Variants in TBC1D5 observed in about 807,000 individuals in gnomAD.
TBC1D5 encodes the protein TBC1 domain family, member 5.
A neutral mutation model predicts 100.3 loss-of-function variants in TBC1D5; 75 were observed. The ratio of observed to expected loss-of-function variants is 0.75; its 90% CI spans 0.62 to 0.91. The LOEUF is 0.91. Among genes scored for constraint, TBC1D5 ranks in the 40% least tolerant of loss-of-function variants. The pLI is 0.00. For synonymous variants in TBC1D5, 323 were observed against 325.6 expected (o/e 0.99, Z 0.09); for missense variants, 910 against 942.4 (o/e 0.97, Z 0.45).
intron 1 of TBC1D5, among the ~76,000 whole-genome samples, chr3:17,736,275 A>G (rs1447776316): frequency 2.0e-5 from 3 of 152,150 alleles, no homozygotes; most frequent in Non-Finnish European, 4.4e-5. Context: ...ATAAAATTTA[A>G]TAAAATTAAA....
At chr3:17,228,381 C>T (rs535711087) in intron 17 of TBC1D5, among the ~76,000 whole-genome samples, 5 of 152,242 alleles carry the variant, frequency 3.3e-5, no homozygotes, top group South Asian at 2.1e-4. Context: ...ATATGCTCTC[C>T]GTAGACATAA....
At chr3:17,682,093 G>A (rs1391358317) in intron 1 of TBC1D5, among the ~76,000 whole-genome samples, 2 of 150,962 alleles carry the variant, frequency 1.3e-5, no homozygotes, top group African/African-American at 4.9e-5. Context: ...CCAATCCCTG[G>A]TGCCAAAAAG....
intron 2 of TBC1D5, among the ~76,000 whole-genome samples, chr3:17,579,252 A>T (rs2096677017): frequency 6.6e-6 from 1 of 152,108 alleles, no homozygotes; most frequent in African/African-American, 2.4e-5. Context: ...GTGTAACCTG[A>T]AGTAAAAATT....
At chr3:17,528,899 C>T (rs185114966) in intron 2 of TBC1D5, among the ~76,000 whole-genome samples, 1 of 152,186 alleles carries the variant, frequency 6.6e-6, no homozygotes, top group African/African-American at 2.4e-5. Flanking sequence ...GTCTATATGT[C>T]TTTTAGTCTC....
chr3:17,671,268 T>C (rs981030800), intron 1 of TBC1D5, among the ~76,000 whole-genome samples: 6 of 152,216 alleles, frequency 3.9e-5, no homozygotes, highest in African/African-American at 7.2e-5. Flanking sequence ...GCAGTCAAGT[T>C]TGAGGGTGCT....
intron 3 of TBC1D5, among the ~76,000 whole-genome samples, chr3:17,497,187 T>G (rs2095722538): frequency 6.6e-6 from 1 of 151,426 alleles, no homozygotes; most frequent in African/African-American, 2.4e-5. Flanking sequence ...TTATTAACAT[T>G]TAGCCGAAAT....
intron 1 of TBC1D5, among the ~76,000 whole-genome samples, chr3:17,676,565 G>A (rs1174295626): frequency 6.6e-6 from 1 of 152,108 alleles, no homozygotes; most frequent in African/African-American, 2.4e-5. Flanking sequence ...TCGTGAAAAT[G>A]GCCATACTGC....
intron 4 of TBC1D5, among the ~76,000 whole-genome samples, chr3:17,425,620 C>T (rs533016502): frequency 4.2e-4 from 64 of 152,188 alleles, no homozygotes; most frequent in African/African-American, 1.4e-3. Flanking sequence ...CAGAGTGAGA[C>T]CCTGTCTCAA....
At chr3:17,294,630 C>G (rs2082072570) in intron 14 of TBC1D5, among the ~76,000 whole-genome samples, 1 of 152,194 alleles carries the variant, frequency 6.6e-6, no homozygotes, top group Admixed American at 6.5e-5. Context: ...ATTCTTTCAT[C>G]TTTCTATCCA....
At chr3:17,516,547 C>G (rs2095990835) in intron 2 of TBC1D5, among the ~76,000 whole-genome samples, 2 of 152,152 alleles carry the variant, frequency 1.3e-5, no homozygotes, top group African/African-American at 4.8e-5. Context: ...ATCCTTGATA[C>G]ATCACTTCTA....
At position 17,422,367 on chromosome 3, in the gene TBC1D5, A is replaced by G. The variant is rs369046346; in HGVS notation, c.167+6083T>C. On this transcript the variant is annotated intron_variant, in intron 4 of 21. Transcript: ENST00000253692. ...TTTTGTTTTTTTGTTTTTTTTTTTC[A>G]GTAGAGACGGGGTTTTGCCATGTTG... 1.0e-3 allele frequency among the ~76,000 whole-genome samples: 153 copies of G among 147,918 alleles called. 2 individuals are homozygous for G. In the South Asian group the frequency reaches 0.019, roughly 18 times the overall value.
At chr3:17,256,118 G>A (rs1273931688) in intron 16 of TBC1D5, among the ~76,000 whole-genome samples, 1 of 152,078 alleles carries the variant, frequency 6.6e-6, no homozygotes, top group African/African-American at 2.4e-5. Context: ...GGTCAGATAG[G>A]CACTTGCATT....
chr3:17,520,477 A>G (rs1314430848), intron 2 of TBC1D5, among the ~76,000 whole-genome samples: 2 of 152,148 alleles, frequency 1.3e-5, no homozygotes, highest in Admixed American at 6.5e-5. Context: ...AAAAGGGCAA[A>G]CTCAGTAGAA....
At chr3:17,162,287 G>A (rs1251260537) in intron 21 of TBC1D5, among the ~76,000 whole-genome samples, 1 of 152,216 alleles carries the variant, frequency 6.6e-6, no homozygotes, top group African/African-American at 2.4e-5. Context: ...CTGAGTCCTT[G>A]GGCCTCCAGA....
At chr3:17,284,169 G>A (rs1403602453) in intron 15 of TBC1D5, among the ~76,000 whole-genome samples, 1 of 150,050 alleles carries the variant, frequency 6.7e-6, no homozygotes, top group Non-Finnish European at 1.5e-5. Context: ...CCAGGCTGGA[G>A]TGCAGTGGTG....
intron 1 of TBC1D5, chr3:17,706,007 T>C: frequency 2.7e-6 from 4 of 1,501,182 alleles, no homozygotes; most frequent in Non-Finnish European, 3.6e-6. Context: ...AGACGGAGTC[T>C]TGCTGTCACC....
intron 2 of TBC1D5, among the ~76,000 whole-genome samples, chr3:17,559,679 T>A (rs1458039352): frequency 6.6e-6 from 1 of 151,484 alleles, no homozygotes; most frequent in African/African-American, 2.4e-5. Flanking sequence ...AACCTCCACG[T>A]CCTGGGTTCA....
chr3:17,485,332 T>TTTATTATTA lies in TBC1D5; in HGVS notation c.97+23133_97+23141dup, dbSNP rs10663489. ...TTTTTACATTTACAAGCCAATATTC[T>TTTATTATTA]TTATTATTATTATTATTATACTTTA... On this transcript the variant is annotated intron_variant, in intron 3 of 21. Coordinates refer to ENST00000253692, the Ensembl canonical transcript of TBC1D5. Among the ~76,000 whole-genome samples the TTTATTATTA allele has an allele frequency of 2.5e-3, 381 of 149,710 alleles. 5 individuals are homozygous for TTTATTATTA. Among genetic ancestry groups the TTTATTATTA allele is most frequent in the African/African-American group, 9.0e-3 (366 of 40,580 alleles).
At chr3:17,228,392 AC>A (rs1443777328) in intron 17 of TBC1D5, among the ~76,000 whole-genome samples, 1 of 152,162 alleles carries the variant, frequency 6.6e-6, no homozygotes, top group African/African-American at 2.4e-5. Context: ...GTAGACATAA[AC>A]CATGTCTAGT....
Sources: allele counts gnomAD v4.1 joint callset (sites outside exome capture counted in the v4.1 genomes callset), GRCh38; gene constraint gnomAD v4.1.1; transcripts MANE v1.5; gene names NCBI Gene and HGNC (gene_info 2026-07-23, HGNC 2026-07-21).